FAAP20: variants seen among roughly 807,000 people sequenced by gnomAD.
FAAP20 encodes FA core complex associated protein 20.
In FAAP20, 12 loss-of-function variants were observed where a neutral mutation model predicts 16.2. The observed-to-expected ratio is 0.74, with a 90% confidence interval of 0.48 to 1.20. The LOEUF (loss-of-function observed/expected upper bound fraction) is 1.20. FAAP20 is among the 50% of genes most tolerant of loss of function. The probability of loss-of-function intolerance (pLI) is 0.00; values close to 1 mark genes in which losing one functional copy is unlikely to be tolerated. For missense variants in FAAP20, 288 were observed against 245.8 expected, an observed-to-expected ratio of 1.17 and a Z score of -1.15; for synonymous variants, 141 against 110.7, an observed-to-expected ratio of 1.27 and a Z score of -1.72.
At chr1:2,193,182 T>TG in intron 3 of FAAP20, 1 of 341,064 alleles carries the variant, frequency 2.9e-6, no homozygotes, top group Non-Finnish European at 5.6e-6. Flanking sequence ...TTAGCAAAAC[T>TG]GGGTTCCATT....
At chr1:2,201,647 G>C (rs889358104), upstream of FAAP20, among the ~76,000 whole-genome samples, 1 of 152,136 alleles carries the variant, frequency 6.6e-6, no homozygotes, top group Non-Finnish European at 1.5e-5. Context: ...GCTTGAACCT[G>C]GGAGGCGGAG....
At chr1:2,203,410 G>A, upstream of FAAP20, 1 of 985,716 alleles carries the variant, frequency 1.0e-6, no homozygotes, top group African/African-American at 1.7e-5. Context: ...GGGCACAGCT[G>A]CACTGACTGT....
At chr1:2,189,960 T>C in intron 3 of FAAP20, 179 bp from the exon 4 acceptor site, 1 of 642,056 alleles carries the variant, frequency 1.6e-6, no homozygotes, top group Non-Finnish European at 2.8e-6. Flanking sequence ...TAACCGCCAG[T>C]GGTGTTTCCA....
upstream of FAAP20, chr1:2,212,691 G>GGT: frequency 3.5e-6 from 1 of 287,158 alleles, no homozygotes; most frequent in Non-Finnish European, 6.9e-6. Context: ...CCAAGAACGC[G>GGT]AGTCTCTGAA....
chr1:2,205,993 C>CT (rs1448486870), intron 3 of FAAP20, among the ~76,000 whole-genome samples: 7 of 152,260 alleles, frequency 4.6e-5, no homozygotes, highest in Non-Finnish European at 8.8e-5. Context: ...AGGGCTCGGC[C>CT]TGCAGGTGCC....
Position 2,194,713 on chromosome 1 carries a change from GGCTCAACCCCAGCC to G in FAAP20, c.23_36del (p.Arg8ProfsTer22). 8.5e-7 allele frequency: 1 copy of G among 1,179,360 alleles called. No individual in the cohort carries two copies. Among genetic ancestry groups the G allele is most frequent in the Non-Finnish European group, 1.0e-6 (1 of 956,818 alleles). The allele number at this position is 1,179,360 out of a possible 1,614,324, so 73.1% of individuals were successfully genotyped here. On this transcript the variant is annotated frameshift_variant, in exon 1 of 4. Coordinates refer to ENST00000378546, the MANE Select transcript of FAAP20 (RefSeq NM_182533.4). LOFTEE classifies it high-confidence loss of function. ...CCGCCCGCCGGGCGCGGCCTCCGGC[GGCTCAACCCCAGCC>G]GCGGCCTCCGCGCCGCCTCCATCCA...
downstream of FAAP20, among the ~76,000 whole-genome samples, chr1:2,208,713 C>T (rs893479838): frequency 2.0e-5 from 3 of 152,226 alleles, no homozygotes; most frequent in Non-Finnish European, 4.4e-5. Context: ...GGCAGCAGCT[C>T]CCTGGGCAGG....
At chr1:2,188,713 A>C (rs1283150551), downstream of FAAP20, among the ~76,000 whole-genome samples, 3 of 152,158 alleles carry the variant, frequency 2.0e-5, no homozygotes, top group East Asian at 1.9e-4. Context: ...GGGAATTAAA[A>C]CACCACCGAT....
At position 2,189,604 on chromosome 1, in the gene FAAP20, G is replaced by A. The variant is rs1687927655; in HGVS notation, c.*105C>T. On this transcript the variant is annotated 3_prime_UTR_variant, in exon 4 of 4. Transcript: ENST00000378546. ...CGCCCTGCTTTAATGCGCATGCGGG[G>A]GAGCCGAGAGGCGGGGCTGCTGGCG... 3 of 830,986 alleles carry A rather than the reference G, an allele frequency of 3.6e-6. No homozygotes were observed. The highest frequency in any genetic ancestry group is 2.8e-5 in the South Asian group (2 of 70,822). The allele number at this position is 830,986 out of a possible 1,614,324, so 51.5% of individuals were successfully genotyped here.
intron 3 of FAAP20, chr1:2,191,876 T>C: frequency 2.0e-6 from 2 of 985,394 alleles, no homozygotes; most frequent in African/African-American, 1.7e-5. Context: ...CCCGCAGGTG[T>C]CTGAAAATGC....
In FAAP20 at chr1:2,193,683, C is replaced by T; in HGVS notation, c.426G>A (p.Ala142=). 6.3e-7 allele frequency: 1 copy of T among 1,599,908 alleles called. No individual in the cohort carries two copies. Residue 142 remains alanine (A), a synonymous_variant, in exon 3 of 4, where the codon GCG becomes GCA. Transcript: ENST00000378546. Reference sequence around the variant, plus strand: ...GGCACATGGGGCAGCTGCGCAGGGCCGCGGCACCCTCCACAGACGGCTGCT... The same window carrying T: ...GGCACATGGGGCAGCTGCGCAGGGCTGCGGCACCCTCCACAGACGGCTGCT... The part of the protein sequence containing the change: ...VEQQPSVEGA[A]ALRSCPMCQK...
chr1:2,194,263 G>A (rs1688612783), intron 1 of FAAP20, 130 bp from the exon 2 acceptor site: 3 of 1,300,592 alleles, frequency 2.3e-6, no homozygotes, highest in South Asian at 1.4e-5. Flanking sequence ...GATGGTGCGG[G>A]AGGTGGCCGG....
At chr1:2,186,501 C>T (rs575343225), downstream of FAAP20, among the ~76,000 whole-genome samples, 22 of 148,818 alleles carry the variant, frequency 1.5e-4, no homozygotes, top group Middle Eastern at 3.2e-3. Flanking sequence ...CACCCGCCCC[C>T]CCCCGGCCAG....
chr1:2,198,777 G>T (rs1688924008), upstream of FAAP20: 1 of 1,288,890 alleles, frequency 7.8e-7, no homozygotes, highest in Non-Finnish European at 1.0e-6. Context: ...CAGCCAAAAG[G>T]CCCGGGCAGC....
Position 2,194,767 on chromosome 1 carries a change from G to A in FAAP20, c.-18C>T, listed in dbSNP as rs1441680597. 7.7e-6 allele frequency: 9 copies of A among 1,175,056 alleles called. No individual in the cohort carries two copies. In the East Asian group the frequency reaches 3.0e-4, roughly 40 times the overall value. The allele number at this position is 1,175,056 out of a possible 1,614,324, so 72.8% of individuals were successfully genotyped here. A position where few individuals can be genotyped will look rare whatever the true frequency, so the allele number is the denominator to read the frequency against. On this transcript the variant is annotated 5_prime_UTR_variant, in exon 1 of 4. Coordinates refer to ENST00000378546, the MANE Select transcript of FAAP20 (RefSeq NM_182533.4). The stretch of plus-strand genomic sequence containing the variant: ...GCCTCCATCCAAGCCCGCGCCGGGC[G>A]GAAGTGAGCGCAAGCCCCGCCCCCG...
At chr1:2,209,953 G>C (rs974263791), downstream of FAAP20, among the ~76,000 whole-genome samples, 3 of 152,212 alleles carry the variant, frequency 2.0e-5, no homozygotes, top group African/African-American at 7.2e-5. Flanking sequence ...GCACTGAAAC[G>C]CTCACGGGGC....
chr1:2,189,606 A>G lies in FAAP20; in HGVS notation c.*103T>C, dbSNP rs1687927869. On this transcript the variant is annotated 3_prime_UTR_variant, in exon 4 of 4. Transcript: ENST00000378546. ...CCCTGCTTTAATGCGCATGCGGGGG[A>G]GCCGAGAGGCGGGGCTGCTGGCGGG... 4 of 840,486 alleles carry G rather than the reference A, an allele frequency of 4.8e-6. No individual in the cohort carries two copies. The highest frequency in any genetic ancestry group is 7.6e-6 in the Non-Finnish European group (4 of 526,592). 52.1% of individuals were successfully genotyped at this position (840,486 alleles called of 1,614,324 possible).
downstream of FAAP20, among the ~76,000 whole-genome samples, chr1:2,208,816 C>T (rs964045756): frequency 1.3e-5 from 2 of 152,224 alleles, no homozygotes; most frequent in African/African-American, 2.4e-5. Flanking sequence ...CTGTGCCAGG[C>T]TAGGGGTGGG....
downstream of FAAP20, chr1:2,185,984 C>T (rs1443602272): frequency 1.0e-5 from 4 of 387,092 alleles, no homozygotes; most frequent in African/African-American, 2.1e-5. Context: ...GGAACACACC[C>T]GCGCTCTCCG....
Sources: allele counts gnomAD v4.1 joint callset (sites outside exome capture counted in the v4.1 genomes callset), GRCh38; gene constraint gnomAD v4.1.1; transcripts MANE v1.5; gene names NCBI Gene and HGNC (gene_info 2026-07-23, HGNC 2026-07-21).